Variants in MGAM2 observed in about 807,000 individuals in gnomAD.
MGAM2 encodes the protein maltase-glucoamylase 2 (putative).
A neutral mutation model predicts 96.1 loss-of-function variants in MGAM2; 98 were observed. The ratio of observed to expected loss-of-function variants is 1.02; its 90% CI spans 0.87 to 1.21. MGAM2 has a LOEUF of 1.21. Among genes scored for constraint, MGAM2 ranks in the 50% most tolerant of loss-of-function variants. The probability of loss-of-function intolerance (pLI) is 0.00; values close to 1 mark genes in which losing one functional copy is unlikely to be tolerated. For missense variants in MGAM2, 2,055 were observed against 1,182.4 expected, an observed-to-expected ratio of 1.74 and a Z score of -10.82; for synonymous variants, 749 against 414.8, an observed-to-expected ratio of 1.81 and a Z score of -9.79.
At chr7:142,128,136 A>G (rs1202698469) in intron 3 of MGAM2, among the ~76,000 whole-genome samples, 1 of 152,124 alleles carries the variant, frequency 6.6e-6, no homozygotes, top group African/African-American at 2.4e-5. Context: ...TTTTACCCCT[A>G]CCCTAGAGAT....
intron 1 of MGAM2, among the ~76,000 whole-genome samples, chr7:142,114,206 G>GA (rs1162616812): frequency 2.9e-5 from 4 of 139,688 alleles, no homozygotes; most frequent in Non-Finnish European, 6.1e-5. Context: ...AAGAAAGAAA[G>GA]AAAGAAAGAG....
At chr7:142,196,023 G>T (rs1180724049) in intron 37 of MGAM2, 131 bp from the exon 38 acceptor site, 5 of 653,626 alleles carry the variant, frequency 7.6e-6, no homozygotes, top group Non-Finnish European at 1.1e-5. Context: ...CTTTGAGACA[G>T]CAGATTCTTT....
chr7:142,165,201 T>G (rs1426012878), intron 24 of MGAM2, among the ~76,000 whole-genome samples, 178 bp downstream of exon 24: 3 of 152,148 alleles, frequency 2.0e-5, no homozygotes, highest in African/African-American at 7.2e-5. Flanking sequence ...CTCTCTGCTT[T>G]GTTTGTATCA....
In MGAM2 at chr7:142,193,103, A is replaced by G. The variant is rs150243629; in HGVS notation, c.4347-3051A>G. 5.3e-3 allele frequency among the ~76,000 whole-genome samples: 801 copies of G among 152,080 alleles called. 3 individuals are homozygous for G. Among genetic ancestry groups the G allele is most frequent in the African/African-American group, 0.014 (568 of 41,486 alleles). ...AATCTTTCAACTCCCTCTCATATTC[A>G]AGCTGTTTGAAGGAACTCTTTCCAT... On this transcript the variant is annotated intron_variant, in intron 37 of 47. Transcript: ENST00000477922.
Position 142,140,894 on chromosome 7 carries a change from G to A in MGAM2, c.1179G>A (p.Lys393=), listed in dbSNP as rs1225045316. ...ACTCTGGTCTCCCAGATTTTGTCAA[G>A]GAGTTACATGACAATGGACAGAAAT... ...VAYSGLPDFV[K]ELHDNGQKYL... The change falls in exon 11 of 48, where the codon AAG becomes AAA. Residue 393 remains lysine, a synonymous_variant. Transcript: ENST00000477922. The A allele has an allele frequency of 2.8e-6, 2 of 702,742 alleles. No individual in the cohort carries two copies. The highest frequency in any genetic ancestry group is 5.2e-6 in the Non-Finnish European group (2 of 384,946). 43.5% of individuals were successfully genotyped at this position (702,742 alleles called of 1,614,324 possible).
chr7:142,135,274 A>G (rs1795024241), intron 7 of MGAM2, among the ~76,000 whole-genome samples: 1 of 152,252 alleles, frequency 6.6e-6, no homozygotes, highest in Admixed American at 6.5e-5. Flanking sequence ...GCAATAGCTA[A>G]CGCATGTAAT....
chr7:142,216,328 G>A (rs964140053), intron 46 of MGAM2, among the ~76,000 whole-genome samples: 12 of 151,938 alleles, frequency 7.9e-5, no homozygotes, highest in South Asian at 6.2e-4. Context: ...ATTCAAATTC[G>A]GAGAGACACT....
intron 28 of MGAM2, 108 bp from the exon 29 acceptor site, chr7:142,171,990 T>C: frequency 2.1e-6 from 1 of 468,256 alleles, no homozygotes; most frequent in Non-Finnish European, 4.0e-6. Flanking sequence ...ACAAAGGACA[T>C]GACATTGAGC....
At chr7:142,115,785 C>T (rs973714363) in intron 1 of MGAM2, among the ~76,000 whole-genome samples, 3 of 152,200 alleles carry the variant, frequency 2.0e-5, no homozygotes, top group East Asian at 3.9e-4. Context: ...GCAGATGTTT[C>T]GGTGAGGCGA....
chr7:142,192,791 G>A (rs1466654703), intron 37 of MGAM2, among the ~76,000 whole-genome samples: 1 of 152,072 alleles, frequency 6.6e-6, no homozygotes, highest in East Asian at 1.9e-4. Flanking sequence ...TTCCATGGGT[G>A]CTCGTTTCTT....
intron 29 of MGAM2, among the ~76,000 whole-genome samples, chr7:142,172,403 ACT>A (rs1468048465): frequency 6.7e-6 from 1 of 149,638 alleles, no homozygotes; most frequent in African/African-American, 2.5e-5. Context: ...TATGGCTCCT[ACT>A]CTGGCATAGC....
chr7:142,153,203 T>C (rs1249356050), intron 15 of MGAM2, among the ~76,000 whole-genome samples: 2 of 152,134 alleles, frequency 1.3e-5, no homozygotes, highest in Non-Finnish European at 2.9e-5. Flanking sequence ...GGTTTCACCA[T>C]GTTGGCCAGG....
rs1344987409 is a variant in MGAM2 at position 142,221,462 on chromosome 7, G to A, written c.6951G>A (p.Met2317Ile). 3 of 573,024 alleles carry A rather than the reference G, an allele frequency of 5.2e-6. No individual in the cohort carries two copies. The highest frequency in any genetic ancestry group is 6.2e-6 in the Non-Finnish European group (2 of 323,928). 35.5% of individuals were successfully genotyped at this position (573,024 alleles called of 1,614,324 possible). ...IPSSITSILSMFPTSNTFTTD... is the reference protein window; with the variant it reads ...IPSSITSILSIFPTSNTFTTD... ...GCTCTATTACTTCTATTTTGAGCAT[G>A]TTTCCAACAAGTAATACATTCACTA... The change falls in exon 48 of 48, where the codon ATG (methionine) becomes ATA (isoleucine). Residue 2317 changes from methionine (M) to isoleucine (I), a missense_variant. Physicochemically the swap from Met to Ile is conservative, Grantham distance 10 (BLOSUM62 1). Coordinates refer to ENST00000477922, the MANE Select transcript of MGAM2 (RefSeq NM_001293626.2).
intron 7 of MGAM2, among the ~76,000 whole-genome samples, chr7:142,136,215 A>G (rs1272033219): frequency 6.6e-6 from 1 of 152,188 alleles, no homozygotes; most frequent in Non-Finnish European, 1.5e-5. Flanking sequence ...ACTTTTCTAG[A>G]TATTTCATAT....
intron 3 of MGAM2, among the ~76,000 whole-genome samples, chr7:142,127,858 G>A (rs568988766): frequency 4.9e-4 from 74 of 152,172 alleles, no homozygotes; most frequent in Non-Finnish European, 9.3e-4. Context: ...TCTGTTAGCA[G>A]CATGAGAACT....
chr7:142,127,190 CT>C (rs1392885456), intron 3 of MGAM2, among the ~76,000 whole-genome samples: 1 of 152,056 alleles, frequency 6.6e-6, no homozygotes, highest in Non-Finnish European at 1.5e-5. Context: ...GTATTTTGTA[CT>C]TTTCTAGTGT....
chr7:142,141,480 ATATTT>A (rs1187519608), intron 12 of MGAM2, among the ~76,000 whole-genome samples: 1 of 151,968 alleles, frequency 6.6e-6, no homozygotes, highest in East Asian at 1.9e-4. Context: ...CTCAGCTAAT[ATATTT>A]TATTTTTTTT....
chr7:142,150,684 A>G (rs1446162682), intron 15 of MGAM2, among the ~76,000 whole-genome samples: 1 of 152,198 alleles, frequency 6.6e-6, no homozygotes, highest in Non-Finnish European at 1.5e-5. Context: ...GCACTGCTGT[A>G]CATTCCTGAG....
intron 12 of MGAM2, among the ~76,000 whole-genome samples, chr7:142,141,526 G>A (rs1248698775): frequency 2.0e-5 from 3 of 152,004 alleles, no homozygotes; most frequent in Non-Finnish European, 4.4e-5. Context: ...TTGAGATGGA[G>A]TTTCACTTTT....
Sources: allele counts gnomAD v4.1 joint callset (sites outside exome capture counted in the v4.1 genomes callset), GRCh38; gene constraint gnomAD v4.1.1; transcripts MANE v1.5; gene names NCBI Gene and HGNC (gene_info 2026-07-23, HGNC 2026-07-21).